The following COTL1 variants were observed in gnomAD, a reference collection of about 807,000 sequenced individuals.
The protein encoded by COTL1 is coactosin like F-actin binding protein 1.
A neutral mutation model predicts 16.5 loss-of-function variants in COTL1; 15 were observed. That is an observed-to-expected ratio of 0.91 (90% CI 0.61 to 1.40). The LOEUF (loss-of-function observed/expected upper bound fraction) is 1.40, where lower values mean the gene tolerates loss of function less well. Among genes scored for constraint, COTL1 ranks in the 40% most tolerant of loss-of-function variants. The pLI is 0.00. For missense variants in COTL1, 220 were observed against 201.5 expected, an observed-to-expected ratio of 1.09 and a Z score of -0.56; for synonymous variants, 112 against 85.3, an observed-to-expected ratio of 1.31 and a Z score of -1.73.
intron 3 of COTL1, chr16:84,569,053 G>C (rs1203358308): frequency 6.6e-6 from 1 of 152,336 alleles, no homozygotes; most frequent in African/African-American, 2.4e-5. Context: ...CAGGTGCGGT[G>C]GCTCACGCCC....
At position 84,590,383 on chromosome 16, in the gene COTL1, T is replaced by G; in HGVS notation, c.161-121A>C. On this transcript the variant is annotated intron_variant, in intron 2 of 3. Transcript: ENST00000262428. This position sits in a 1 kb window ranked among gnomAD's most constrained non-coding sequence, Gnocchi z 5.5. ...GCAGCACAGCAGGAGACCGGTGCAG[T>G]TCCCTGGGAGCACCATGTGCAGAGG... The G allele has an allele frequency of 1.8e-6, 2 of 1,126,580 alleles. No homozygotes were observed. Among genetic ancestry groups the G allele is most frequent in the Non-Finnish European group, 1.3e-6 (1 of 792,942 alleles). 69.8% of individuals were successfully genotyped at this position (1,126,580 alleles called of 1,614,324 possible). A position where few individuals can be genotyped will look rare whatever the true frequency, so the allele number is the denominator to read the frequency against.
At chr16:84,595,941 GTGTA>G (rs1338671610) in intron 2 of COTL1, 1 of 151,760 alleles carries the variant, frequency 6.6e-6, no homozygotes, top group African/African-American at 2.4e-5. Context: ...GTATGTGTAT[GTGTA>G]TGTGTGTTAT....
At chr16:84,615,155 A>G (rs145903472) in intron 2 of COTL1, among the ~76,000 whole-genome samples, 1 of 152,368 alleles carries the variant, frequency 6.6e-6, no homozygotes, top group Non-Finnish European at 1.5e-5. Context: ...CGAGAGGAAC[A>G]AGAGCAGACA....
chr16:84,575,007 T>C (rs1161909758), intron 3 of COTL1, among the ~76,000 whole-genome samples: 1 of 152,230 alleles, frequency 6.6e-6, no homozygotes, highest in Non-Finnish European at 1.5e-5. Context: ...CATGTTCTCC[T>C]GTCTTGGTTT....
At position 84,618,077 on chromosome 16, in the gene COTL1, C is replaced by G. The variant is rs886666858; in HGVS notation, c.-163G>C. On this transcript the variant is annotated 5_prime_UTR_variant, in exon 1 of 4. Transcript: ENST00000262428. ...GCTGCGAGCGCGGCGGCGGCTTCCA[C>G]TGCGGACGGAGAGCGCGCGGGGACC... 6 of 200,524 alleles carry G rather than the reference C, an allele frequency of 3.0e-5. No homozygotes were observed. The highest frequency in any genetic ancestry group is 1.2e-4 in the African/African-American group (5 of 42,014). 12.4% of individuals were successfully genotyped at this position (200,524 alleles called of 1,614,324 possible).
At chr16:84,585,503 C>G (rs978636985) in intron 3 of COTL1, among the ~76,000 whole-genome samples, 1 of 152,152 alleles carries the variant, frequency 6.6e-6, no homozygotes, top group Admixed American at 6.5e-5. Flanking sequence ...TTTATTAATA[C>G]AGTAATCTTA....
chr16:84,591,754 T>A (rs1904870768), intron 2 of COTL1, among the ~76,000 whole-genome samples: 1 of 145,082 alleles, frequency 6.9e-6, no homozygotes, highest in East Asian at 2.0e-4. Context: ...GCCCAGGAGG[T>A]TGAGACTGCA....
intron 3 of COTL1, among the ~76,000 whole-genome samples, chr16:84,582,857 G>A (rs1904630657): frequency 1.3e-5 from 2 of 151,924 alleles, no homozygotes; most frequent in Admixed American, 1.3e-4. Context: ...GATGGCGCCA[G>A]AATATCAACT....
At chr16:84,582,551 T>G (rs2914830) in intron 3 of COTL1, among the ~76,000 whole-genome samples, 19,637 of 152,236 alleles carry the variant, frequency 0.13, 2,717 homozygotes, top group African/African-American at 0.34. Context: ...AGGAGATTAT[T>G]TCCTTGTTAG....
chr16:84,607,841 C>T (rs1342094390), intron 2 of COTL1, among the ~76,000 whole-genome samples: 2 of 151,920 alleles, frequency 1.3e-5, no homozygotes, highest in African/African-American at 4.8e-5. Context: ...AGTAGATGCT[C>T]GAGAAATGTC....
intron 2 of COTL1, among the ~76,000 whole-genome samples, chr16:84,607,987 G>A (rs1435498582): frequency 6.6e-6 from 1 of 152,202 alleles, no homozygotes; most frequent in Non-Finnish European, 1.5e-5. Context: ...GGCAAGTCTA[G>A]CCACGCAGAA....
intron 3 of COTL1, among the ~76,000 whole-genome samples, chr16:84,578,631 A>G (rs1436690236): frequency 6.6e-6 from 1 of 151,790 alleles, no homozygotes; most frequent in African/African-American, 2.4e-5. Flanking sequence ...ACACACACAC[A>G]CGCAGGCATA....
chr16:84,571,403 A>G (rs1904334146), intron 3 of COTL1, among the ~76,000 whole-genome samples: 1 of 152,160 alleles, frequency 6.6e-6, no homozygotes, highest in African/African-American at 2.4e-5. Flanking sequence ...TTGCCCCTCA[A>G]TTCAGAAGGG....
intron 2 of COTL1, among the ~76,000 whole-genome samples, chr16:84,602,748 G>T (rs140003484): frequency 6.6e-6 from 1 of 152,088 alleles, no homozygotes; most frequent in African/African-American, 2.4e-5. Context: ...CCAGCTACTC[G>T]GGAGGCTGAC....
intron 3 of COTL1, 146 bp from the exon 4 acceptor site, chr16:84,567,101 G>A: frequency 4.8e-6 from 3 of 620,478 alleles, no homozygotes; most frequent in Non-Finnish European, 8.8e-6. Flanking sequence ...GTCAGTCAAT[G>A]GAAATTCAGC....
At chr16:84,600,865 G>A (rs1366172561) in intron 2 of COTL1, among the ~76,000 whole-genome samples, 1 of 152,180 alleles carries the variant, frequency 6.6e-6, no homozygotes, top group Non-Finnish European at 1.5e-5. Context: ...AACCTCCAGG[G>A]TATAAGCTGA....
chr16:84,582,025 G>C (rs1904608320), intron 3 of COTL1, among the ~76,000 whole-genome samples: 1 of 106,130 alleles, frequency 9.4e-6, no homozygotes, highest in African/African-American at 4.3e-5. Flanking sequence ...TTGCTCTGTT[G>C]CCCAGGCTGG....
intron 2 of COTL1, among the ~76,000 whole-genome samples, chr16:84,613,630 C>T (rs1905391315): frequency 1.3e-5 from 2 of 152,146 alleles, no homozygotes; most frequent in Non-Finnish European, 2.9e-5. Context: ...TAGAAATGTA[C>T]TGTAGAAAGA....
intron 3 of COTL1, among the ~76,000 whole-genome samples, chr16:84,585,172 G>T (rs1484851867): frequency 6.6e-6 from 1 of 151,886 alleles, no homozygotes; most frequent in Non-Finnish European, 1.5e-5. Flanking sequence ...GGTCAGGCAG[G>T]TGGTTAGTGA....
Sources: allele counts gnomAD v4.1 joint callset (sites outside exome capture counted in the v4.1 genomes callset), GRCh38; gene constraint gnomAD v4.1.1; non-coding constraint Gnocchi (gnomAD v3.1); transcripts MANE v1.5; gene names NCBI Gene and HGNC (gene_info 2026-07-23, HGNC 2026-07-21).